Variants in PDE4D observed in about 807,000 individuals in gnomAD.
PDE4D encodes phosphodiesterase 4D.
Under a neutral mutation model 87.4 loss-of-function variants are expected in PDE4D, and 24 were observed. The ratio of observed to expected loss-of-function variants is 0.27; its 90% CI spans 0.20 to 0.39. PDE4D has a LOEUF of 0.39. Among genes scored for constraint, PDE4D ranks in the 10% least tolerant of loss-of-function variants. PDE4D has a pLI of 1.00. For missense variants in PDE4D, 714 were observed against 1,041.0 expected (o/e 0.69, Z 4.32); for synonymous variants, 384 against 383.2 (o/e 1.00, Z -0.02).
intron 1 of PDE4D, among the ~76,000 whole-genome samples, chr5:59,771,487 G>GAAAGAAAGAA (rs56311802): frequency 3.2e-3 from 187 of 58,038 alleles, no homozygotes; most frequent in Non-Finnish European, 4.7e-3. Context: ...GAAAGAAAGA[G>GAAAGAAAGAA]AGAGAGAGAG....
At chr5:60,447,121 T>C (rs1244877266) in intron 1 of PDE4D, among the ~76,000 whole-genome samples, 1 of 152,166 alleles carries the variant, frequency 6.6e-6, no homozygotes, top group Non-Finnish European at 1.5e-5. Context: ...CTCTAACATG[T>C]GCTGATTGCT....
chr5:59,961,967 G>T (rs1182427130), intron 3 of PDE4D, among the ~76,000 whole-genome samples: 2 of 152,146 alleles, frequency 1.3e-5, no homozygotes, highest in Non-Finnish European at 2.9e-5. Flanking sequence ...AAGTGAGTTA[G>T]AAAGATGTTT....
At chr5:59,633,035 A>T (rs1561368131) in intron 1 of PDE4D, among the ~76,000 whole-genome samples, 1 of 152,194 alleles carries the variant, frequency 6.6e-6, no homozygotes, top group East Asian at 1.9e-4. Flanking sequence ...TTTAGAGAAG[A>T]ACATAAATAA....
intron 1 of PDE4D, among the ~76,000 whole-genome samples, chr5:59,325,233 G>C (rs930603729): frequency 3.3e-5 from 5 of 152,100 alleles, no homozygotes; most frequent in African/African-American, 4.8e-5. Context: ...GAACTTAAAA[G>C]GGGGAAACCT....
At chr5:59,451,987 C>A (rs555512578) in intron 1 of PDE4D, among the ~76,000 whole-genome samples, 1 of 152,328 alleles carries the variant, frequency 6.6e-6, no homozygotes, top group East Asian at 1.9e-4. Context: ...CTTGTCCAAT[C>A]CATGAGGCCC....
chr5:60,505,745 C>T (rs1479579195), intron 1 of PDE4D, among the ~76,000 whole-genome samples: 1 of 152,212 alleles, frequency 6.6e-6, no homozygotes, highest in Non-Finnish European at 1.5e-5. Context: ...TCCTATAAAT[C>T]CTGGCCTTGA....
chr5:59,405,281 T>C (rs1021330108), intron 1 of PDE4D, among the ~76,000 whole-genome samples: 4 of 152,236 alleles, frequency 2.6e-5, no homozygotes, highest in African/African-American at 4.8e-5. Context: ...GTTTTCATTG[T>C]AGAACTCTTT....
At chr5:60,379,076 G>A (rs1428017254) in intron 1 of PDE4D, among the ~76,000 whole-genome samples, 1 of 151,856 alleles carries the variant, frequency 6.6e-6, no homozygotes, top group Non-Finnish European at 1.5e-5. Context: ...AAGCCCTATT[G>A]CATGCCTTTC....
intron 1 of PDE4D, among the ~76,000 whole-genome samples, chr5:59,547,313 G>A (rs1817438995): frequency 6.6e-6 from 1 of 151,910 alleles, no homozygotes; most frequent in South Asian, 2.1e-4. Flanking sequence ...GGAAAAAAAG[G>A]GGCAGTATAT....
At chr5:59,550,488 G>C (rs1029784558) in intron 1 of PDE4D, among the ~76,000 whole-genome samples, 1 of 152,106 alleles carries the variant, frequency 6.6e-6, no homozygotes, top group African/African-American at 2.4e-5. Flanking sequence ...AGAATGTCCT[G>C]ACTTTAGTCA....
intron 1 of PDE4D, among the ~76,000 whole-genome samples, chr5:59,637,198 C>T (rs1832354769): frequency 6.6e-6 from 1 of 152,080 alleles, no homozygotes; most frequent in Non-Finnish European, 1.5e-5. Flanking sequence ...CAATGAGATA[C>T]CATCTCACAC....
At chr5:59,672,017 G>A (rs1001827425) in intron 1 of PDE4D, among the ~76,000 whole-genome samples, 4 of 152,058 alleles carry the variant, frequency 2.6e-5, no homozygotes, top group African/African-American at 7.2e-5. Context: ...TGAGTTGCTC[G>A]ATAACTCTAT....
intron 6 of PDE4D, 37 bp from the exon 7 acceptor site, chr5:58,993,502 G>C (rs752330494): frequency 3.2e-5 from 43 of 1,336,792 alleles, no homozygotes; most frequent in Non-Finnish European, 4.4e-5. Context: ...TAATAGAAGA[G>C]GAAAATTTAA....
intron 1 of PDE4D, among the ~76,000 whole-genome samples, chr5:59,827,117 C>T (rs1480511100): frequency 6.6e-6 from 1 of 151,850 alleles, no homozygotes; most frequent in Non-Finnish European, 1.5e-5. Flanking sequence ...TTTTGATTGC[C>T]TCTATAGTCA....
intron 6 of PDE4D, among the ~76,000 whole-genome samples, chr5:59,030,848 T>C (rs1476061375): frequency 6.6e-6 from 1 of 152,182 alleles, no homozygotes; most frequent in Non-Finnish European, 1.5e-5. Context: ...TCTCTTCAAC[T>C]TTTAAGTTCA....
At chr5:59,800,141 A>AG (rs1218145713) in intron 1 of PDE4D, among the ~76,000 whole-genome samples, 3 of 152,164 alleles carry the variant, frequency 2.0e-5, no homozygotes, top group African/African-American at 7.2e-5. Context: ...CAAGCCACAG[A>AG]GTTTTTATCG....
chr5:59,793,640 TG>T (rs1355040925), intron 1 of PDE4D, among the ~76,000 whole-genome samples: 2 of 152,196 alleles, frequency 1.3e-5, no homozygotes, highest in Non-Finnish European at 2.9e-5. Context: ...AAGAAAAGAA[TG>T]GTTTTAGAAA....
chr5:59,399,429 A>G (rs1342081067), intron 1 of PDE4D, among the ~76,000 whole-genome samples: 2 of 138,598 alleles, frequency 1.4e-5, no homozygotes, highest in Non-Finnish European at 3.3e-5. Context: ...ATAACGCCGC[A>G]TATCTACAAC....
At chr5:59,781,037 G>A (rs557682477) in intron 1 of PDE4D, among the ~76,000 whole-genome samples, 19 of 152,044 alleles carry the variant, frequency 1.2e-4, no homozygotes, top group African/African-American at 3.6e-4. Flanking sequence ...GTGCTGGCAG[G>A]TGCCTGTAAT....
Sources: allele counts gnomAD v4.1 joint callset (sites outside exome capture counted in the v4.1 genomes callset), GRCh38; gene constraint gnomAD v4.1.1; transcripts MANE v1.5; gene names NCBI Gene and HGNC (gene_info 2026-07-23, HGNC 2026-07-21).